LRRC42: variants seen among roughly 807,000 people sequenced by gnomAD.
LRRC42 encodes leucine-rich repeat-containing protein 42.
Under a neutral mutation model 44.3 loss-of-function variants are expected in LRRC42, and 43 were observed. That is an observed-to-expected ratio of 0.97 (90% CI 0.76 to 1.25). LRRC42 has a LOEUF of 1.25. Ranked by LOEUF, LRRC42 falls within the 50% of genes most tolerant of loss-of-function variation. The pLI, the probability that LRRC42 is intolerant of heterozygous loss-of-function variation, is 0.00. For synonymous variants in LRRC42, 207 were observed against 195.2 expected, an observed-to-expected ratio of 1.06 and a Z score of -0.50; for missense variants, 540 against 509.1, an observed-to-expected ratio of 1.06 and a Z score of -0.58.
chr1:53,955,778 A>G (rs7546340), intron 3 of LRRC42, among the ~76,000 whole-genome samples: 151,462 of 151,874 alleles, frequency 1, 75,539 homozygotes, highest in Middle Eastern at 1. Context: ...ACAGGTGCCC[A>G]CCACCACGCC....
intron 2 of LRRC42, 112 bp downstream of exon 2, chr1:53,947,933 G>A (rs1307778273): frequency 6.6e-6 from 1 of 152,088 alleles, no homozygotes; most frequent in South Asian, 2.1e-4. Flanking sequence ...GGAGTAATGC[G>A]GCCCTGAGAT....
Position 53,967,913 on chromosome 1 carries a change from G to T in LRRC42, c.1261G>T (p.Asp421Tyr), listed in dbSNP as rs1655174720. ...GAAATATGTATGTCTTGCTGTGGAA[G>T]ACTGGGACTTGTTAAATTCCTATTG... The part of the protein sequence containing the change: ...KQKYVCLAVE[D>Y]WDLLNSY The change falls in exon 9 of 9, where the codon GAC (aspartate) becomes TAC (tyrosine). Residue 421 changes from aspartate to tyrosine, a missense_variant. Transcript: ENST00000371370. 3 of 1,613,934 alleles carry T rather than the reference G, an allele frequency of 1.9e-6. No individual in the cohort carries two copies. The highest frequency in any genetic ancestry group is 2.5e-6 in the Non-Finnish European group (3 of 1,179,836).
intron 5 of LRRC42, 118 bp downstream of exon 5, chr1:53,960,592 A>G (rs747703157): frequency 4.7e-5 from 35 of 747,828 alleles, no homozygotes; most frequent in Non-Finnish European, 6.4e-5. Context: ...CCTCGGTGCC[A>G]TAGAAACTTG....
chr1:53,958,235 A>T lies in LRRC42; in HGVS notation c.560A>T (p.Asp187Val). The stretch of plus-strand genomic sequence containing the variant: ...GATCTTTCCTGTTGCAAGCTTGGAG[A>T]TGAGCATGAACTTCTAGAACATCTC... ...CLDLSCCKLG[D>V]EHELLEHLTN... The change falls in exon 4 of 9, where the codon GAT (aspartate) becomes GTT (valine). Residue 187 changes from aspartate to valine, a missense_variant. By Grantham distance (152) the Asp-to-Val change is radical. Coordinates refer to ENST00000371370, the MANE Select transcript of LRRC42 (RefSeq NM_001256409.2). 6.2e-7 allele frequency: 1 copy of T among 1,613,878 alleles called. No individual in the cohort carries two copies.
intron 3 of LRRC42, among the ~76,000 whole-genome samples, chr1:53,953,034 T>C (rs1654736621): frequency 1.3e-5 from 2 of 152,254 alleles, no homozygotes; most frequent in Non-Finnish European, 2.9e-5. Context: ...TACTTTACCG[T>C]CATGTAAAAA....
At chr1:53,949,598 T>A (rs1654617647) in intron 2 of LRRC42, among the ~76,000 whole-genome samples, 1 of 152,106 alleles carries the variant, frequency 6.6e-6, no homozygotes, top group Non-Finnish European at 1.5e-5. Flanking sequence ...GGTTGGAGGG[T>A]CCAGATGCTC....
chr1:53,948,363 A>G (rs1296401359), intron 2 of LRRC42, among the ~76,000 whole-genome samples: 1 of 152,164 alleles, frequency 6.6e-6, no homozygotes. Context: ...TGTCATGTGT[A>G]GTTATCAATA....
intron 7 of LRRC42, among the ~76,000 whole-genome samples, chr1:53,965,651 A>G (rs1405060317): frequency 6.7e-6 from 1 of 149,110 alleles, no homozygotes; most frequent in African/African-American, 2.5e-5. Flanking sequence ...TTTTTTTTGT[A>G]TTTTTAGTAG....
intron 8 of LRRC42, among the ~76,000 whole-genome samples, chr1:53,967,151 C>A (rs957575799): frequency 2.0e-5 from 3 of 151,994 alleles, no homozygotes; most frequent in Non-Finnish European, 4.4e-5. Context: ...ATGATGAAAT[C>A]AAAGTGAAGG....
At chr1:53,957,216 C>G (rs769379194) in intron 3 of LRRC42, among the ~76,000 whole-genome samples, 2 of 152,232 alleles carry the variant, frequency 1.3e-5, no homozygotes, top group Non-Finnish European at 2.9e-5. Flanking sequence ...TGTAACCCCA[C>G]TGATCCTAAC....
chr1:53,949,891 A>G (rs900297186), intron 2 of LRRC42, among the ~76,000 whole-genome samples: 76 of 152,246 alleles, frequency 5.0e-4, no homozygotes, highest in African/African-American at 1.8e-3. Context: ...CAGTATCAGC[A>G]GGCCCTACAA....
chr1:53,953,520 CCAGCTAATTTT>C (rs1414880962), intron 3 of LRRC42, among the ~76,000 whole-genome samples: 20 of 152,082 alleles, frequency 1.3e-4, no homozygotes, highest in Non-Finnish European at 1.5e-5. Context: ...GCCACCATGC[CCAGCTAATTTT>C]TGTATTTTTA....
intron 4 of LRRC42, among the ~76,000 whole-genome samples, chr1:53,959,910 C>T (rs1413620163): frequency 1.3e-5 from 2 of 151,636 alleles, no homozygotes; most frequent in South Asian, 2.1e-4. Context: ...TGAAATGGCA[C>T]CAAAAAATCT....
chr1:53,953,792 C>T (rs368224549), intron 3 of LRRC42, among the ~76,000 whole-genome samples: 3 of 151,392 alleles, frequency 2.0e-5, no homozygotes, highest in African/African-American at 7.3e-5. Context: ...AGTGCAATGG[C>T]GCGATCTCAG....
chr1:53,952,173 C>G lies in LRRC42; in HGVS notation c.174C>G (p.Asn58Lys), dbSNP rs758018168. 6.2e-7 allele frequency: 1 copy of G among 1,614,170 alleles called. No homozygotes were observed. Among genetic ancestry groups the G allele is most frequent in the South Asian group, 1.1e-5 (1 of 91,088 alleles). ...GCTTTTCTGTGGAGCTTTGCATGAA[C>G]AGGGAAGACGACACTGCACGGAAAG... ...PKGFSVELCM[N>K]REDDTARKEK... Residue 58 changes from asparagine (N) to lysine (K), a missense_variant, in exon 3 of 9, where the codon AAC becomes AAG. Physicochemically the swap from Asn to Lys is moderately conservative, Grantham distance 94. Transcript: ENST00000371370.
chr1:53,953,849 A>G (rs946222630), intron 3 of LRRC42, among the ~76,000 whole-genome samples: 2 of 151,916 alleles, frequency 1.3e-5, no homozygotes, highest in Non-Finnish European at 2.9e-5. Flanking sequence ...CTCCTGACTC[A>G]GCCTCCTAAG....
chr1:53,964,995 A>ATTTTTTTTTTTTTTTT (rs1557649612), intron 7 of LRRC42, among the ~76,000 whole-genome samples: 10 of 137,706 alleles, frequency 7.3e-5, no homozygotes, highest in African/African-American at 2.4e-4. Flanking sequence ...CTGGAACTGT[A>ATTTTTTTTTTTTTTTT]TTGTTTTTTT....
Position 53,962,363 on chromosome 1 carries a change from A to C in LRRC42, c.881A>C (p.Lys294Thr), listed in dbSNP as rs751519391. 1 of 1,614,216 alleles carries C rather than the reference A, an allele frequency of 6.2e-7. No homozygotes were observed. The highest frequency in any genetic ancestry group is 2.2e-5 in the East Asian group (1 of 44,884). The change falls in exon 7 of 9, where the codon AAG becomes ACG. Residue 294 changes from lysine to threonine, a missense_variant. Lys to Thr is a moderately conservative substitution (Grantham distance 78, BLOSUM62 -1). Coordinates refer to ENST00000371370, the MANE Select transcript of LRRC42 (RefSeq NM_001256409.2). ...CTTGTTCACTCCAAAGTGCCTTTGAAGGAATTTGATCATAGTAACTGCAAG... is the reference window on the plus strand; with the variant it reads ...CTTGTTCACTCCAAAGTGCCTTTGACGGAATTTGATCATAGTAACTGCAAG... ...IGLVHSKVPL[K>T]EFDHSNCKTE...
chr1:53,966,515 T>C (rs1012997596), intron 8 of LRRC42, 135 bp downstream of exon 8: 1 of 630,984 alleles, frequency 1.6e-6, no homozygotes, highest in Non-Finnish European at 2.9e-6. Flanking sequence ...TTGTATTCCC[T>C]TAGCATAGCT....
Sources: allele counts gnomAD v4.1 joint callset (sites outside exome capture counted in the v4.1 genomes callset), GRCh38; gene constraint gnomAD v4.1.1; transcripts MANE v1.5; gene names NCBI Gene and HGNC (gene_info 2026-07-23, HGNC 2026-07-21).